Variants in CNTNAP5 observed in about 807,000 individuals in gnomAD.
CNTNAP5 encodes the protein contactin-associated protein-like 5.
A neutral mutation model predicts 150.2 loss-of-function variants in CNTNAP5; 72 were observed. The ratio of observed to expected loss-of-function variants is 0.48; its 90% CI spans 0.40 to 0.58. CNTNAP5 has a LOEUF of 0.58. CNTNAP5 is among the 20% of genes least tolerant of loss of function. The pLI is 0.00. For missense variants in CNTNAP5, 1,636 were observed against 1,626.2 expected (o/e 1.01, Z -0.10); for synonymous variants, 672 against 619.8 (o/e 1.08, Z -1.25).
At chr2:124,460,824 CTATT>C (rs1693229492) in intron 6 of CNTNAP5, among the ~76,000 whole-genome samples, 1 of 152,050 alleles carries the variant, frequency 6.6e-6, no homozygotes, top group Non-Finnish European at 1.5e-5. Context: ...CATAATAAAA[CTATT>C]TATTTGGTGA....
Position 124,877,918 on chromosome 2 carries a change from T to A in CNTNAP5, c.3436+8156T>A, listed in dbSNP as rs115224418. On this transcript the variant is annotated intron_variant, in intron 21 of 23. Transcript: ENST00000682447. ...AAACTCGTTCCTTATGCTAATTTAT[T>A]TTTCCCCTGGTCATTACCCAGGGAG... 2.0e-3 allele frequency among the ~76,000 whole-genome samples: 307 copies of A among 152,214 alleles called. 4 individuals carry two copies. Among genetic ancestry groups the A allele is most frequent in the African/African-American group, 6.9e-3 (286 of 41,552 alleles).
At chr2:124,850,782 G>T (rs1362140992) in intron 19 of CNTNAP5, among the ~76,000 whole-genome samples, 1 of 152,032 alleles carries the variant, frequency 6.6e-6, no homozygotes, top group Admixed American at 6.6e-5. Flanking sequence ...AACTAGGAGA[G>T]AAAAATATTA....
intron 1 of CNTNAP5, among the ~76,000 whole-genome samples, chr2:124,134,002 C>A (rs1164943652): frequency 6.6e-6 from 1 of 152,158 alleles, no homozygotes; most frequent in Non-Finnish European, 1.5e-5. Context: ...CTAAAGTAGC[C>A]TCCTCTTTTT....
At chr2:124,037,323 C>A (rs1185111147) in intron 1 of CNTNAP5, among the ~76,000 whole-genome samples, 4 of 152,164 alleles carry the variant, frequency 2.6e-5, no homozygotes, top group Non-Finnish European at 5.9e-5. Flanking sequence ...TATTTCACCC[C>A]TAAAGAATAC....
intron 19 of CNTNAP5, among the ~76,000 whole-genome samples, chr2:124,829,556 G>A (rs1460742321): frequency 6.6e-6 from 1 of 151,116 alleles, no homozygotes; most frequent in Non-Finnish European, 1.5e-5. Context: ...TATACATAGT[G>A]GTATATACAT....
intron 1 of CNTNAP5, among the ~76,000 whole-genome samples, chr2:124,138,528 G>C (rs1684029766): frequency 6.6e-6 from 1 of 152,002 alleles, no homozygotes; most frequent in Non-Finnish European, 1.5e-5. Flanking sequence ...AAGTTTGTTT[G>C]TTTATTTTTT....
At chr2:124,174,234 T>C in intron 1 of CNTNAP5, among the ~76,000 whole-genome samples, 1 of 152,154 alleles carries the variant, frequency 6.6e-6, no homozygotes, top group Non-Finnish European at 1.5e-5. Context: ...TAACACAACA[T>C]CCATTCTGCA....
chr2:124,139,839 G>A (rs1042073622), intron 1 of CNTNAP5, among the ~76,000 whole-genome samples: 5 of 152,190 alleles, frequency 3.3e-5, no homozygotes, highest in African/African-American at 4.8e-5. Flanking sequence ...CGTGAGCGAC[G>A]CAGAAGACGG....
chr2:124,461,457 C>T (rs1356352403), intron 6 of CNTNAP5, among the ~76,000 whole-genome samples: 79 of 139,940 alleles, frequency 5.6e-4, no homozygotes, highest in Middle Eastern at 4.7e-3. Context: ...TATTCTCACT[C>T]ATAGGTGGGA....
chr2:124,194,191 C>T (rs1300205308), intron 1 of CNTNAP5, among the ~76,000 whole-genome samples: 1 of 151,660 alleles, frequency 6.6e-6, no homozygotes, highest in African/African-American at 2.4e-5. Context: ...TTTCTCTGCG[C>T]TACTGAACAT....
intron 3 of CNTNAP5, among the ~76,000 whole-genome samples, chr2:124,385,269 TATC>T (rs1345726282): frequency 2.0e-5 from 3 of 152,180 alleles, no homozygotes; most frequent in Non-Finnish European, 4.4e-5. Flanking sequence ...AGAGAAAACG[TATC>T]ATTATTATGA....
At chr2:124,485,044 C>G (rs570908029) in intron 7 of CNTNAP5, among the ~76,000 whole-genome samples, 1 of 152,004 alleles carries the variant, frequency 6.6e-6, no homozygotes, top group African/African-American at 2.4e-5. Flanking sequence ...TTCTTAGAAA[C>G]GCTTCACCTT....
At chr2:124,575,718 T>C (rs1018808812) in intron 11 of CNTNAP5, among the ~76,000 whole-genome samples, 6 of 152,348 alleles carry the variant, frequency 3.9e-5, no homozygotes, top group African/African-American at 1.2e-4. Flanking sequence ...CTCCTTGAGG[T>C]CATGCACTTT....
At chr2:124,160,282 A>C (rs1290281475) in intron 1 of CNTNAP5, among the ~76,000 whole-genome samples, 2 of 152,192 alleles carry the variant, frequency 1.3e-5, no homozygotes, top group Admixed American at 6.6e-5. Context: ...CTCTTTTATA[A>C]GAGTCTGTTC....
chr2:124,029,482 CAAAACT>C (rs1680985219), intron 1 of CNTNAP5, among the ~76,000 whole-genome samples: 1 of 152,010 alleles, frequency 6.6e-6, no homozygotes, highest in South Asian at 2.1e-4. Flanking sequence ...TCCCCCATCT[CAAAACT>C]AAATTGATAT....
intron 3 of CNTNAP5, among the ~76,000 whole-genome samples, chr2:124,408,058 T>C (rs983213332): frequency 5.3e-5 from 8 of 152,166 alleles, no homozygotes; most frequent in African/African-American, 9.6e-5. Context: ...GGGCGAGGCA[T>C]TGCCTCACTT....
intron 21 of CNTNAP5, among the ~76,000 whole-genome samples, 168 bp downstream of exon 21, chr2:124,869,930 C>A (rs568881137): frequency 6.6e-6 from 1 of 152,204 alleles, no homozygotes; most frequent in South Asian, 2.1e-4. Flanking sequence ...GTATCTGTGG[C>A]AGAAATAGGC....
intron 1 of CNTNAP5, among the ~76,000 whole-genome samples, chr2:124,164,855 G>A (rs1573803998): frequency 1.4e-5 from 2 of 147,652 alleles, no homozygotes; most frequent in African/African-American, 5.0e-5. Context: ...ATCTCAGCTG[G>A]GGAAGGAAAA....
At chr2:124,786,515 G>GAA in intron 17 of CNTNAP5, among the ~76,000 whole-genome samples, 1 of 143,256 alleles carries the variant, frequency 7.0e-6, no homozygotes, top group African/African-American at 2.7e-5. Context: ...GAAAAAGAAA[G>GAA]AAAGAAAGAG....
Sources: allele counts gnomAD v4.1 joint callset (sites outside exome capture counted in the v4.1 genomes callset), GRCh38; gene constraint gnomAD v4.1.1; transcripts MANE v1.5; gene names NCBI Gene and HGNC (gene_info 2026-07-23, HGNC 2026-07-21).